BABAM2: variants seen among roughly 807,000 people sequenced by gnomAD.
BABAM2 encodes BRISC and BRCA1 A complex member 2.
A neutral mutation model predicts 54.7 loss-of-function variants in BABAM2; 31 were observed. The observed-to-expected ratio is 0.57, with a 90% CI of 0.43 to 0.77. The LOEUF is 0.77. Ranked by LOEUF, BABAM2 falls within the 30% of genes least tolerant of loss-of-function variation. BABAM2 has a pLI of 0.00. For synonymous variants in BABAM2, 167 were observed against 162.9 expected (o/e 1.03, Z -0.19); for missense variants, 364 against 455.8 (o/e 0.80, Z 1.83).
chr2:28,289,517 C>A (rs1285900745), intron 10 of BABAM2, among the ~76,000 whole-genome samples: 2 of 152,168 alleles, frequency 1.3e-5, no homozygotes, highest in African/African-American at 4.8e-5. Context: ...AGGCCGGGCA[C>A]AGAGGCTCAT....
intron 11 of BABAM2, among the ~76,000 whole-genome samples, chr2:28,306,018 C>T (rs1021327418): frequency 6.6e-6 from 1 of 152,076 alleles, no homozygotes; most frequent in African/African-American, 2.4e-5. Context: ...TCTTGAATTT[C>T]AAGTGTTTAG....
chr2:27,940,411 G>T (rs781221171), intron 3 of BABAM2, among the ~76,000 whole-genome samples: 10 of 152,176 alleles, frequency 6.6e-5, no homozygotes, highest in Non-Finnish European at 1.3e-4. Flanking sequence ...CCAATCTCTA[G>T]TTGAGTATCT....
chr2:27,895,044 G>T, intron 2 of BABAM2: 1 of 185,180 alleles, frequency 5.4e-6, no homozygotes, highest in Non-Finnish European at 1.1e-5. Context: ...GATACCATTT[G>T]GTAAACTCTC....
intron 7 of BABAM2, among the ~76,000 whole-genome samples, chr2:28,175,258 A>G (rs1674795610): frequency 6.6e-6 from 1 of 152,176 alleles, no homozygotes; most frequent in Admixed American, 6.5e-5. Flanking sequence ...AGGGCTGCAG[A>G]GCACTTGCAC....
chr2:28,112,152 T>TCCCTCCCTCCCTCCCTC (rs1668137949), intron 6 of BABAM2, among the ~76,000 whole-genome samples: 1 of 7,248 alleles, frequency 1.4e-4, no homozygotes, highest in Non-Finnish European at 2.8e-4. Flanking sequence ...TTTCTTTACC[T>TCCCTCCCTCCCTCCCTC]CCCTCCCTCC....
chr2:28,090,477 C>T (rs549942154), intron 6 of BABAM2, among the ~76,000 whole-genome samples: 3 of 152,176 alleles, frequency 2.0e-5, no homozygotes, highest in Admixed American at 1.3e-4. Flanking sequence ...CTCCTGACCT[C>T]GTGATCTGCC....
chr2:28,020,892 C>T (rs1052053239), intron 4 of BABAM2, among the ~76,000 whole-genome samples: 1 of 149,472 alleles, frequency 6.7e-6, no homozygotes, highest in Non-Finnish European at 1.5e-5. Flanking sequence ...AGCTAGATTC[C>T]CAGAAATAAG....
chr2:28,233,166 C>T (rs755375457), intron 7 of BABAM2: 4 of 471,074 alleles, frequency 8.5e-6, no homozygotes, highest in South Asian at 1.6e-5. Flanking sequence ...CCTTGCCACA[C>T]GGATTTCCTT....
chr2:28,220,585 A>C (rs1437339765), intron 7 of BABAM2, among the ~76,000 whole-genome samples: 1 of 150,488 alleles, frequency 6.6e-6, no homozygotes, highest in African/African-American at 2.4e-5. Context: ...TTACAAAAGT[A>C]ATATGTGTCA....
At chr2:28,261,451 T>A (rs1684524550) in intron 10 of BABAM2, among the ~76,000 whole-genome samples, 1 of 151,816 alleles carries the variant, frequency 6.6e-6, no homozygotes, top group Non-Finnish European at 1.5e-5. Context: ...TGCCTCAGCC[T>A]CCCGAGTAGC....
At chr2:28,150,148 A>T (rs1010105447) in intron 7 of BABAM2, among the ~76,000 whole-genome samples, 3 of 152,178 alleles carry the variant, frequency 2.0e-5, no homozygotes, top group African/African-American at 7.2e-5. Context: ...ATCCTTGCAA[A>T]AACCTTGTGG....
At chr2:28,237,381 C>A in intron 8 of BABAM2, 80 bp downstream of exon 8, 1 of 1,267,994 alleles carries the variant, frequency 7.9e-7, no homozygotes, top group African/African-American at 1.5e-5. Flanking sequence ...ATCGTGCATG[C>A]TCCATCCTTC....
intron 10 of BABAM2, among the ~76,000 whole-genome samples, chr2:28,251,852 T>C (rs1183466493): frequency 6.6e-6 from 1 of 152,218 alleles, no homozygotes; most frequent in East Asian, 1.9e-4. Context: ...GTTTACCTCA[T>C]ATCAGACATA....
At chr2:28,074,457 T>G (rs1573526484) in intron 6 of BABAM2, among the ~76,000 whole-genome samples, 1 of 152,140 alleles carries the variant, frequency 6.6e-6, no homozygotes, top group Non-Finnish European at 1.5e-5. Context: ...CCACTGAATA[T>G]TCATTCAACA....
At chr2:28,253,110 G>T (rs1683648287) in intron 10 of BABAM2, among the ~76,000 whole-genome samples, 1 of 152,106 alleles carries the variant, frequency 6.6e-6, no homozygotes, top group African/African-American at 2.4e-5. Flanking sequence ...CAGTTCACAG[G>T]TATGGAGTGA....
intron 6 of BABAM2, among the ~76,000 whole-genome samples, chr2:28,100,023 C>T (rs941192271): frequency 6.6e-6 from 1 of 151,950 alleles, no homozygotes; most frequent in East Asian, 1.9e-4. Context: ...CTTATTTTTA[C>T]TTTTGCTCTT....
At chr2:28,194,759 C>T (rs1274275302) in intron 7 of BABAM2, among the ~76,000 whole-genome samples, 1 of 151,976 alleles carries the variant, frequency 6.6e-6, no homozygotes, top group Non-Finnish European at 1.5e-5. Context: ...TGGGGTTTGC[C>T]ATGTTGGCCA....
At chr2:28,138,319 C>A (rs1238625038) in intron 7 of BABAM2, among the ~76,000 whole-genome samples, 1 of 152,072 alleles carries the variant, frequency 6.6e-6, no homozygotes. Flanking sequence ...CTAGACATAT[C>A]GTAAGGAAAC....
intron 10 of BABAM2, 125 bp from the exon 11 acceptor site, chr2:28,298,213 C>A: frequency 9.8e-7 from 1 of 1,016,756 alleles, no homozygotes; most frequent in Non-Finnish European, 1.5e-6. Flanking sequence ...ACCTTTCATC[C>A]AAACTGCAAG....
Sources: allele counts gnomAD v4.1 joint callset (sites outside exome capture counted in the v4.1 genomes callset), GRCh38; gene constraint gnomAD v4.1.1; transcripts MANE v1.5; gene names NCBI Gene and HGNC (gene_info 2026-07-23, HGNC 2026-07-21).